Variants in CDK4 observed in about 807,000 individuals in gnomAD.
CDK4 encodes the protein cyclin-dependent kinase 4.
Under a neutral mutation model 36.7 loss-of-function variants are expected in CDK4, and 13 were observed. The ratio of observed to expected loss-of-function variants is 0.35; its 90% CI spans 0.23 to 0.56. CDK4 has a LOEUF of 0.56. CDK4 is among the 20% of genes least tolerant of loss of function. The pLI, the probability that CDK4 is intolerant of heterozygous loss-of-function variation, is 0.85. For missense variants in CDK4, 285 were observed against 387.3 expected (o/e 0.74, Z 2.22); for synonymous variants, 158 against 146.4 (o/e 1.08, Z -0.57).
intron 5 of CDK4, 172 bp downstream of exon 5, chr12:57,750,484 T>C: frequency 1.5e-6 from 1 of 662,178 alleles, no homozygotes; most frequent in East Asian, 2.9e-5. Context: ...GGAGGATCAC[T>C]TGAGCCCAGG....
chr12:57,751,772 A>C lies in CDK4; in HGVS notation c.-19-36T>G, dbSNP rs1024019387. 1 of 1,536,144 alleles carries C rather than the reference A, an allele frequency of 6.5e-7. No individual in the cohort carries two copies. Among genetic ancestry groups the C allele is most frequent in the Non-Finnish European group, 9.0e-7 (1 of 1,113,564 alleles). ...AGACTCCTATCACCAAAAGTCGCTTACAGAGTTAGGATGGTATGAGCCTGC... is the reference window on the plus strand; with the variant it reads ...AGACTCCTATCACCAAAAGTCGCTTCCAGAGTTAGGATGGTATGAGCCTGC... On this transcript the variant is annotated intron_variant, in intron 1 of 7. Coordinates refer to ENST00000257904, the MANE Select transcript of CDK4 (RefSeq NM_000075.4). This position sits in a 1 kb window ranked among gnomAD's most constrained non-coding sequence, Gnocchi z 4.5.
In CDK4 at chr12:57,748,412, GAA is replaced by G; in HGVS notation, c.*111_*112del. ...TTAAGGCAGCAAAGTAATCTCTGTA[GAA>G]AGATGGAGGAGGACCCTCCATAGCC... On this transcript the variant is annotated 3_prime_UTR_variant, in exon 8 of 8. Coordinates refer to ENST00000257904, the MANE Select transcript of CDK4 (RefSeq NM_000075.4). 2 of 812,034 alleles carry G rather than the reference GAA, an allele frequency of 2.5e-6. No individual in the cohort carries two copies. Among genetic ancestry groups the G allele is most frequent in the Non-Finnish European group, 4.4e-6 (2 of 456,396 alleles). 50.3% of individuals were successfully genotyped at this position (812,034 alleles called of 1,614,324 possible).
Position 57,750,832 on chromosome 12 carries a change from A to C in CDK4, c.523-67T>G, listed in dbSNP as rs1377904734. ...CCATGAAACACAACTTGCTTGACTG[A>C]ACACATGAAGCACATGACTTCTCAA... On this transcript the variant is annotated intron_variant, in intron 4 of 7. Transcript: ENST00000257904. 2.5e-6 allele frequency: 4 copies of C among 1,592,282 alleles called. No individual in the cohort carries two copies. In the East Asian group the frequency reaches 8.9e-5, roughly 36 times the overall value.
chr12:57,748,328 G>A lies in CDK4; in HGVS notation c.*197C>T, dbSNP rs1241728307. 1 of 640,474 alleles carries A rather than the reference G, an allele frequency of 1.6e-6. No homozygotes were observed. The highest frequency in any genetic ancestry group is 1.6e-5 in the South Asian group (1 of 61,244). 39.7% of individuals were successfully genotyped at this position (640,474 alleles called of 1,614,324 possible). On this transcript the variant is annotated 3_prime_UTR_variant, in exon 8 of 8. Coordinates refer to ENST00000257904, the MANE Select transcript of CDK4 (RefSeq NM_000075.4). Reference sequence around the variant, plus strand: ...GACAAGAGGGAACATACCCCTTAGTGTAGAGAAATGGGAAGGAGAAGGAGA... The same window carrying A: ...GACAAGAGGGAACATACCCCTTAGTATAGAGAAATGGGAAGGAGAAGGAGA...
Position 57,748,383 on chromosome 12 carries a change from G to A in CDK4, c.*142C>T. 1.3e-6 allele frequency: 1 copy of A among 747,442 alleles called. No homozygotes were observed. The highest frequency in any genetic ancestry group is 1.4e-5 in the South Asian group (1 of 72,990). The allele number at this position is 747,442 out of a possible 1,614,324, so 46.3% of individuals were successfully genotyped here. The stretch of plus-strand genomic sequence containing the variant: ...TCAAAAGGAGAGGTGGGAGGGGAAT[G>A]TCATTAAGGCAGCAAAGTAATCTCT... On this transcript the variant is annotated 3_prime_UTR_variant, in exon 8 of 8. Transcript: ENST00000257904.
At position 57,751,455 on chromosome 12, in the gene CDK4, C is replaced by G. The variant is rs2140387965; in HGVS notation, c.218+45G>C. The G allele has an allele frequency of 6.2e-7, 1 of 1,610,622 alleles. No individual in the cohort carries two copies. The highest frequency in any genetic ancestry group is 8.5e-7 in the Non-Finnish European group (1 of 1,177,242). ...TCATCACACCCCACCTATAGGCTGTCTTTTCCCTTTACTCCCCACGCCCAA... is the reference window on the plus strand; with the variant it reads ...TCATCACACCCCACCTATAGGCTGTGTTTTCCCTTTACTCCCCACGCCCAA... On this transcript the variant is annotated intron_variant, in intron 2 of 7. Transcript: ENST00000257904. The surrounding 1 kb of genome is among the most constrained non-coding windows in gnomAD (Gnocchi z 4.5).
In CDK4 at chr12:57,751,829, A is replaced by T; in HGVS notation, c.-19-93T>A. 3 of 866,878 alleles carry T rather than the reference A, an allele frequency of 3.5e-6. No homozygotes were observed. The highest frequency in any genetic ancestry group is 1.4e-5 in the South Asian group (1 of 69,262). 53.7% of individuals were successfully genotyped at this position (866,878 alleles called of 1,614,324 possible). On this transcript the variant is annotated intron_variant, in intron 1 of 7. Coordinates refer to ENST00000257904, the MANE Select transcript of CDK4 (RefSeq NM_000075.4). This position sits in a 1 kb window ranked among gnomAD's most constrained non-coding sequence, Gnocchi z 4.5. ...AAAGGGACTCCCAAAAAAAAAGCGC[A>T]AAGAACACCACCAGCATCCCATCCC...
intron 5 of CDK4, chr12:57,750,262 T>C (rs1013968932): frequency 4.3e-6 from 1 of 233,426 alleles, no homozygotes; most frequent in African/African-American, 2.2e-5. Context: ...CTTTCTGCTA[T>C]GGGCAAGTTA....
rs1281006131 is a variant in CDK4 at position 57,750,528 on chromosome 12, T to C, written c.632+128A>G. ...GCTGCAGTGAGCTGTGATCATGCCATTGCAATCCAGCCTGGGCAACACAGC... is the reference window on the plus strand; with the variant it reads ...GCTGCAGTGAGCTGTGATCATGCCACTGCAATCCAGCCTGGGCAACACAGC... On this transcript the variant is annotated intron_variant, in intron 5 of 7. Transcript: ENST00000257904. 6.6e-6 allele frequency: 5 copies of C among 758,436 alleles called. No homozygotes were observed. In the East Asian group the frequency reaches 7.5e-5, roughly 11 times the overall value. 47.0% of individuals were successfully genotyped at this position (758,436 alleles called of 1,614,324 possible). A position where few individuals can be genotyped will look rare whatever the true frequency, so the allele number is the denominator to read the frequency against.
Position 57,751,571 on chromosome 12 carries a change from A to G in CDK4, c.147T>C (p.Leu49=), listed in dbSNP as rs1060504383. Residue 49 remains leucine (L), a synonymous_variant, in exon 2 of 8, where the codon CTT becomes CTC. Coordinates refer to ENST00000257904, the MANE Select transcript of CDK4 (RefSeq NM_000075.4). This position sits in a 1 kb window ranked among gnomAD's most constrained non-coding sequence, Gnocchi z 4.5. ...CCACCTCACGAACTGTGCTGATGGG[A>G]AGGCCTCCTCCACCTCCTCCTCCAT... ...VPNGGGGGGG[L]PISTVREVAL... The G allele has an allele frequency of 1.9e-6, 3 of 1,614,142 alleles. No individual in the cohort carries two copies. The highest frequency in any genetic ancestry group is 2.2e-5 in the East Asian group (1 of 44,878).
At position 57,751,475 on chromosome 12, in the gene CDK4, G is replaced by A. The variant is rs777399392; in HGVS notation, c.218+25C>T. 9 of 1,610,498 alleles carry A rather than the reference G, an allele frequency of 5.6e-6. No individual in the cohort carries two copies. Among genetic ancestry groups the A allele is most frequent in the African/African-American group, 5.4e-5 (4 of 74,656 alleles). ...GCTGTCTTTTCCCTTTACTCCCCACGCCCAACCCTCCACCACCTTCTCACC... is the reference window on the plus strand; with the variant it reads ...GCTGTCTTTTCCCTTTACTCCCCACACCCAACCCTCCACCACCTTCTCACC... On this transcript the variant is annotated intron_variant, in intron 2 of 7. Transcript: ENST00000257904. The surrounding 1 kb of genome is among the most constrained non-coding windows in gnomAD (Gnocchi z 4.5).
Position 57,751,308 on chromosome 12 carries a change from G to A in CDK4, c.253C>T (p.Arg85Trp), listed in dbSNP as rs759017803. The change falls in exon 3 of 8, where the codon CGG (arginine) becomes TGG (tryptophan). Residue 85 changes from arginine (R) to tryptophan (W), a missense_variant. By Grantham distance (101) the Arg-to-Trp change is moderately radical (BLOSUM62 -3). Coordinates refer to ENST00000257904, the MANE Select transcript of CDK4 (RefSeq NM_000075.4). This position sits in a 1 kb window ranked among gnomAD's most constrained non-coding sequence, Gnocchi z 4.5. ...MDVCATSRTD[R>W]EIKVTLVFEH... Reference sequence around the variant, plus strand: ...AACACCAGGGTTACCTTGATCTCCCGGTCAGTTCGGGATGTGGCACAGACG... The same window carrying A: ...AACACCAGGGTTACCTTGATCTCCCAGTCAGTTCGGGATGTGGCACAGACG... The A allele has an allele frequency of 1.9e-6, 3 of 1,613,970 alleles. No individual in the cohort carries two copies. The highest frequency in any genetic ancestry group is 1.1e-5 in the South Asian group (1 of 91,072).
chr12:57,748,915 AG>A, intron 7 of CDK4: 1 of 557,582 alleles, frequency 1.8e-6, no homozygotes, highest in Non-Finnish European at 3.2e-6. Flanking sequence ...CATGTTGGCC[AG>A]GCTGGTCTCG....
rs1246306482 is a variant in CDK4, at chr12:57,751,024, G to C, written c.421C>G (p.Leu141Val). The C allele has an allele frequency of 6.2e-7, 1 of 1,614,092 alleles. No individual in the cohort carries two copies. Among genetic ancestry groups the C allele is most frequent in the African/African-American group, 1.3e-5 (1 of 74,918 alleles). ...LHANCIVHRDLKPENILVTSG... is the reference protein window; with the variant it reads ...LHANCIVHRDVKPENILVTSG... The stretch of plus-strand genomic sequence containing the variant: ...GTCACCAGAATGTTCTCTGGCTTCA[G>C]ATCTCGGTGAACGATGCAATTGGCA... The change falls in exon 4 of 8, where the codon CTG becomes GTG. Residue 141 changes from leucine (L) to valine (V), a missense_variant. Transcript: ENST00000257904. The surrounding 1 kb of genome is among the most constrained non-coding windows in gnomAD (Gnocchi z 4.5).
At chr12:57,749,694 C>G in intron 5 of CDK4, 190 bp from the exon 6 acceptor site, 2 of 643,338 alleles carry the variant, frequency 3.1e-6, no homozygotes, top group South Asian at 1.8e-5. Context: ...AAGACCTTGT[C>G]TCTTTTTTTA....
rs749567479 is a variant in CDK4, at chr12:57,751,810, A to C, written c.-19-74T>G. On this transcript the variant is annotated intron_variant, in intron 1 of 7. Coordinates refer to ENST00000257904, the MANE Select transcript of CDK4 (RefSeq NM_000075.4). The surrounding 1 kb of genome is among the most constrained non-coding windows in gnomAD (Gnocchi z 4.5). ...GGTATGAGCCTGCAGCAACAAAGGGACTCCCAAAAAAAAAGCGCAAAGAAC... is the reference window on the plus strand; with the variant it reads ...GGTATGAGCCTGCAGCAACAAAGGGCCTCCCAAAAAAAAAGCGCAAAGAAC... 2.3e-5 allele frequency: 25 copies of C among 1,094,346 alleles called. No homozygotes were observed. The highest frequency in any genetic ancestry group is 3.3e-5 in the Non-Finnish European group (24 of 738,338). The allele number at this position is 1,094,346 out of a possible 1,614,324, so 67.8% of individuals were successfully genotyped here.
chr12:57,751,843 G>GCATCC lies in CDK4; in HGVS notation c.-19-112_-19-108dup. 1.3e-6 allele frequency: 1 copy of GCATCC among 764,176 alleles called. No individual in the cohort carries two copies. Among genetic ancestry groups the GCATCC allele is most frequent in the South Asian group, 1.5e-5 (1 of 66,212 alleles). 47.3% of individuals were successfully genotyped at this position (764,176 alleles called of 1,614,324 possible). A position where few individuals can be genotyped will look rare whatever the true frequency, so the allele number is the denominator to read the frequency against. On this transcript the variant is annotated intron_variant, in intron 1 of 7. Transcript: ENST00000257904. This position sits in a 1 kb window ranked among gnomAD's most constrained non-coding sequence, Gnocchi z 4.5. ...AAAAAAAGCGCAAAGAACACCACCA[G>GCATCC]CATCCCATCCCCCGCTCCCAGTCTT... is the stretch of plus-strand genomic sequence containing the variant.
rs3211627 is a variant in CDK4, at chr12:57,748,863, C to T, written c.820-246G>A. 7.5e-3 allele frequency: 4,128 copies of T among 549,494 alleles called. 141 individuals are homozygous for T. Among genetic ancestry groups the T allele is most frequent in the South Asian group, 0.061 (3,009 of 48,998 alleles). 34.0% of individuals were successfully genotyped at this position (549,494 alleles called of 1,614,324 possible). The stretch of plus-strand genomic sequence containing the variant: ...TGAGATTACAGGCGTGTGCCACCAC[C>T]CCCGGCTTATTTTTGTACTTTTAGT... On this transcript the variant is annotated intron_variant, in intron 7 of 7. Transcript: ENST00000257904.
Position 57,750,754 on chromosome 12 carries a change from G to A in CDK4, c.534C>T (p.Leu178=), listed in dbSNP as rs11547327. The change falls in exon 5 of 8, where the codon CTC becomes CTT. Residue 178 remains leucine, a synonymous_variant. Transcript: ENST00000257904. ...QMALTPVVVT[L]WYRAPEVLLQ... ...GAAGAACTTCGGGAGCTCGGTACCAGAGTGTAACAACCTAAAGGGAATAGG... is the reference window on the plus strand; with the variant it reads ...GAAGAACTTCGGGAGCTCGGTACCAAAGTGTAACAACCTAAAGGGAATAGG... The A allele has an allele frequency of 3.1e-6, 5 of 1,613,592 alleles. No individual in the cohort carries two copies. The African/African-American group carries it at 5.3e-5, about 17-fold the overall frequency.
Sources: gnomAD v4.1 joint callset for allele counts on GRCh38, gnomAD v4.1.1 for gene constraint, Gnocchi (gnomAD v3.1) non-coding constraint, MANE v1.5 for transcripts, NCBI Gene and HGNC (gene_info 2026-07-23, HGNC 2026-07-21) for gene names.